ULK4: variants seen among roughly 807,000 people sequenced by gnomAD.
ULK4 encodes unc-51 like kinase 4, also known as inactive serine/threonine-protein kinase ULK4.
In ULK4, 133 loss-of-function variants were observed where a neutral mutation model predicts 160.6. The observed-to-expected ratio is 0.83, with a 90% CI of 0.72 to 0.96. The LOEUF (loss-of-function observed/expected upper bound fraction) is 0.96. Ranked by LOEUF, ULK4 falls within the 40% of genes least tolerant of loss-of-function variation. ULK4 has a pLI of 0.00. For synonymous variants in ULK4, 534 were observed against 539.8 expected, an observed-to-expected ratio of 0.99 and a Z score of 0.15; for missense variants, 1,580 against 1,499.5, an observed-to-expected ratio of 1.05 and a Z score of -0.89.
chr3:41,681,298 G>C (rs1033567894), intron 29 of ULK4, among the ~76,000 whole-genome samples: 14 of 152,094 alleles, frequency 9.2e-5, no homozygotes, highest in African/African-American at 3.4e-4. Flanking sequence ...GCTTTAAATG[G>C]ATGTCCTCAA....
intron 17 of ULK4, among the ~76,000 whole-genome samples, chr3:41,861,536 G>A (rs1221808277): frequency 6.6e-6 from 1 of 152,058 alleles, no homozygotes; most frequent in African/African-American, 2.4e-5. Flanking sequence ...TCCATTTTAT[G>A]TTATTTCTTT....
intron 31 of ULK4, among the ~76,000 whole-genome samples, chr3:41,582,143 A>G (rs2030402304): frequency 6.6e-6 from 1 of 152,130 alleles, no homozygotes; most frequent in African/African-American, 2.4e-5. Context: ...CTGTTCTCAT[A>G]GTAGTGAATA....
chr3:41,336,559 A>G (rs969705376), intron 35 of ULK4, among the ~76,000 whole-genome samples: 1 of 152,206 alleles, frequency 6.6e-6, no homozygotes, highest in African/African-American at 2.4e-5. Context: ...ACTTGCTGGT[A>G]CAGGCAGGCA....
At chr3:41,896,019 G>A (rs1698137999) in intron 15 of ULK4, among the ~76,000 whole-genome samples, 1 of 152,036 alleles carries the variant, frequency 6.6e-6, no homozygotes, top group African/African-American at 2.4e-5. Context: ...AAAAAACTCT[G>A]ACAAATTCCC....
At chr3:41,576,916 T>C (rs1055066047) in intron 31 of ULK4, among the ~76,000 whole-genome samples, 2 of 152,072 alleles carry the variant, frequency 1.3e-5, no homozygotes, top group African/African-American at 2.4e-5. Flanking sequence ...CTCACAAACA[T>C]AAAGTGTCCC....
intron 35 of ULK4, among the ~76,000 whole-genome samples, chr3:41,268,300 C>T (rs530151390): frequency 3.8e-4 from 58 of 152,276 alleles, no homozygotes; most frequent in Non-Finnish European, 7.2e-4. Context: ...AGGTTACTAA[C>T]CACCCTCCCC....
chr3:41,562,156 T>C (rs572607313), intron 32 of ULK4, among the ~76,000 whole-genome samples: 3 of 152,242 alleles, frequency 2.0e-5, no homozygotes, highest in Non-Finnish European at 4.4e-5. Context: ...TCTGTTTCCA[T>C]GTAGTCGTGC....
intron 1 of ULK4, among the ~76,000 whole-genome samples, chr3:41,958,617 TA>T (rs1298240293): frequency 1.7e-4 from 26 of 149,676 alleles, no homozygotes; most frequent in Non-Finnish European, 3.3e-4. Context: ...GAAGGTGAGG[TA>T]GGCGAATGGC....
intron 17 of ULK4, among the ~76,000 whole-genome samples, chr3:41,874,462 A>G (rs543740444): frequency 2.6e-5 from 4 of 152,250 alleles, no homozygotes; most frequent in African/African-American, 4.8e-5. Flanking sequence ...TCTTAAGTCA[A>G]TAATTCTTAC....
intron 30 of ULK4, among the ~76,000 whole-genome samples, chr3:41,645,745 C>T (rs4973979): frequency 0.2 from 29,978 of 151,844 alleles, 3,130 homozygotes; most frequent in African/African-American, 0.25. Context: ...CCTGGGTATC[C>T]TTGTTAACTT....
intron 17 of ULK4, among the ~76,000 whole-genome samples, chr3:41,867,754 A>G (rs868737823): frequency 6.6e-6 from 1 of 152,366 alleles, no homozygotes; most frequent in East Asian, 1.9e-4. Flanking sequence ...TAATCTGAGC[A>G]TTTCAAGTTA....
At chr3:41,305,945 G>T (rs1305087768) in intron 35 of ULK4, among the ~76,000 whole-genome samples, 3 of 147,150 alleles carry the variant, frequency 2.0e-5, no homozygotes, top group Middle Eastern at 3.8e-3. Flanking sequence ...ATCTCTGCCC[G>T]GCCGCCCCGT....
At chr3:41,703,618 C>T (rs981282070) in intron 27 of ULK4, among the ~76,000 whole-genome samples, 1 of 151,342 alleles carries the variant, frequency 6.6e-6, no homozygotes, top group Admixed American at 6.6e-5. Flanking sequence ...ACAAAATAGA[C>T]CCAAAGAAAA....
Position 41,750,167 on chromosome 3 carries a change from A to C in ULK4, c.2321+4194T>G, listed in dbSNP as rs1020072654. 1.2e-4 allele frequency among the ~76,000 whole-genome samples: 19 copies of C among 152,202 alleles called. 1 individual carries two copies. The highest frequency in any genetic ancestry group is 4.6e-4 in the African/African-American group (19 of 41,454). On this transcript the variant is annotated intron_variant, in intron 22 of 36. Transcript: ENST00000301831. The stretch of plus-strand genomic sequence containing the variant: ...CGAAGCCCAGACTCCTGACCCATGG[A>C]AACTGTCAGTTTAATAAACGGGCAC...
intron 35 of ULK4, among the ~76,000 whole-genome samples, chr3:41,314,862 T>C (rs1204469222): frequency 6.6e-6 from 1 of 152,100 alleles, no homozygotes; most frequent in Non-Finnish European, 1.5e-5. Context: ...AGATTATATA[T>C]GGGTCTTTAT....
intron 35 of ULK4, among the ~76,000 whole-genome samples, chr3:41,255,705 C>A (rs1409658685): frequency 1.4e-5 from 2 of 141,772 alleles, no homozygotes; most frequent in Non-Finnish European, 3.2e-5. Context: ...CTCCTGATCA[C>A]AGCCTCAAAA....
chr3:41,834,829 A>C lies in ULK4; in HGVS notation c.1764+1035T>G, dbSNP rs78141876. On this transcript the variant is annotated intron_variant, in intron 18 of 36. Transcript: ENST00000301831. ...GAGGCCAAGGTGGGCGAATCACTTC[A>C]GCCTAGGAATTCGAGACCAGCCTGG... 7.8e-3 allele frequency among the ~76,000 whole-genome samples: 1,191 copies of C among 152,350 alleles called. 45 individuals are homozygous for C. The East Asian group carries it at 0.13, about 16-fold the overall frequency.
chr3:41,423,187 G>T (rs368261639), intron 34 of ULK4, among the ~76,000 whole-genome samples: 81 of 152,276 alleles, frequency 5.3e-4, no homozygotes, highest in African/African-American at 1.9e-3. Flanking sequence ...GGAAAAGGAT[G>T]CAAGGACACA....
chr3:41,909,686 G>T (rs1445847129), intron 11 of ULK4, among the ~76,000 whole-genome samples: 1 of 152,052 alleles, frequency 6.6e-6, no homozygotes, highest in African/African-American at 2.4e-5. Context: ...CTGCACTCCA[G>T]CCTGGGCGAC....
Sources: allele counts gnomAD v4.1 joint callset (sites outside exome capture counted in the v4.1 genomes callset), GRCh38; gene constraint gnomAD v4.1.1; transcripts MANE v1.5; gene names NCBI Gene and HGNC (gene_info 2026-07-23, HGNC 2026-07-21).